ATP6V0D2: variants seen among roughly 807,000 people sequenced by gnomAD.
The protein encoded by ATP6V0D2 is ATPase H+ transporting V0 subunit d2.
ATP6V0D2 carries 40 observed loss-of-function variants against 40.0 expected under a neutral mutation model. That is an observed-to-expected ratio of 1.00 (90% CI 0.78 to 1.30). The LOEUF is 1.30. Among genes scored for constraint, ATP6V0D2 ranks in the 50% most tolerant of loss-of-function variants. ATP6V0D2 has a pLI of 0.00. For synonymous variants in ATP6V0D2, 179 were observed against 156.3 expected (o/e 1.15, Z -1.08); for missense variants, 470 against 423.1 (o/e 1.11, Z -0.97).
Position 86,145,233 on chromosome 8 carries a change from AAGAGAGAGAGAGAGAGAGAGAGAG to A in ATP6V0D2, c.639+2281_639+2304del, listed in dbSNP as rs1181332154. Among the ~76,000 whole-genome samples the A allele has an allele frequency of 5.2e-5, 2 of 38,442 alleles. 1 individual carries two copies. Among genetic ancestry groups the A allele is most frequent in the African/African-American group, 2.9e-4 (2 of 6,822 alleles). The allele number at this position is 38,442 out of a possible 152,430, so 25.2% of individuals were successfully genotyped here. On this transcript the variant is annotated intron_variant, in intron 5 of 7. Coordinates refer to ENST00000285393, the MANE Select transcript of ATP6V0D2 (RefSeq NM_152565.1). Reference sequence around the variant, plus strand: ...AAAGAAAGAAAGAAAGAAAGAAAGAAAGAGAGAGAGAGAGAGAGAGAGAGAAAGAAAGAAAGAAAGAAAGAAAGA... The same window carrying A: ...AAAGAAAGAAAGAAAGAAAGAAAGAAAAAGAAAGAAAGAAAGAAAGAAAGA...
chr8:86,150,705 A>G (rs1287960594), intron 6 of ATP6V0D2, among the ~76,000 whole-genome samples: 1 of 152,178 alleles, frequency 6.6e-6, no homozygotes, highest in Admixed American at 6.5e-5. Context: ...GACGGCAAGG[A>G]ACAATATGGA....
intron 5 of ATP6V0D2, among the ~76,000 whole-genome samples, chr8:86,143,605 C>T (rs76032229): frequency 0.015 from 2,300 of 152,324 alleles, 74 homozygotes; most frequent in African/African-American, 0.052. Context: ...ACCATGGTCA[C>T]TCTCAGTGCC....
At chr8:86,145,546 T>G (rs1049783680) in intron 5 of ATP6V0D2, among the ~76,000 whole-genome samples, 3 of 152,128 alleles carry the variant, frequency 2.0e-5, no homozygotes, top group African/African-American at 4.8e-5. Flanking sequence ...ATACAGAAAG[T>G]GGATATCGAA....
chr8:86,138,231 G>T (rs979249645), intron 2 of ATP6V0D2, among the ~76,000 whole-genome samples: 1 of 152,076 alleles, frequency 6.6e-6, no homozygotes, highest in African/African-American at 2.4e-5. Flanking sequence ...GCCCCTTTTG[G>T]CTGGCCAGCT....
intron 1 of ATP6V0D2, among the ~76,000 whole-genome samples, chr8:86,105,984 G>A (rs1818466410): frequency 6.6e-6 from 1 of 152,022 alleles, no homozygotes; most frequent in South Asian, 2.1e-4. Context: ...AAGCCTAAGA[G>A]TGTATTTTGC....
chr8:86,099,190 A>C (rs146073618), intron 1 of ATP6V0D2, 82 bp downstream of exon 1: 12 of 1,422,670 alleles, frequency 8.4e-6, no homozygotes, highest in African/African-American at 1.5e-5. Context: ...GGAGAAAAAA[A>C]GCCCATAATC....
chr8:86,144,619 G>A (rs1415210130), intron 5 of ATP6V0D2, among the ~76,000 whole-genome samples: 1 of 151,798 alleles, frequency 6.6e-6, no homozygotes, highest in African/African-American at 2.4e-5. Flanking sequence ...AAACAAAAAA[G>A]TTTTATAGTT....
At chr8:86,136,176 C>T (rs1818893842) in intron 2 of ATP6V0D2, among the ~76,000 whole-genome samples, 1 of 152,056 alleles carries the variant, frequency 6.6e-6, no homozygotes, top group Non-Finnish European at 1.5e-5. Flanking sequence ...AAAATTGAAC[C>T]CCATCTATAA....
rs372425528 is a variant in ATP6V0D2 at position 86,139,421 on chromosome 8, G to T, written c.303-36G>T. ...GTGGGATGCTTCTTATCCTTTTGCAGCTGTCCTCTAATGATTGAGTTGTCT... is the reference window on the plus strand; with the variant it reads ...GTGGGATGCTTCTTATCCTTTTGCATCTGTCCTCTAATGATTGAGTTGTCT... On this transcript the variant is annotated intron_variant, in intron 2 of 7. Transcript: ENST00000285393. 118 of 1,552,922 alleles carry T rather than the reference G, an allele frequency of 7.6e-5. No homozygotes were observed. The African/African-American group carries it at 1.3e-3, about 17-fold the overall frequency.
intron 1 of ATP6V0D2, among the ~76,000 whole-genome samples, chr8:86,105,124 A>AT (rs34390117): frequency 0.67 from 102,366 of 151,898 alleles, 35,453 homozygotes; most frequent in African/African-American, 0.83. Flanking sequence ...CTTCAACTTT[A>AT]GCTCCACGGT....
chr8:86,135,923 G>A (rs1392867100), intron 2 of ATP6V0D2, among the ~76,000 whole-genome samples: 3 of 152,140 alleles, frequency 2.0e-5, no homozygotes, highest in Non-Finnish European at 4.4e-5. Flanking sequence ...GATCTACAAA[G>A]ATTATAGTCT....
At chr8:86,099,579 C>T (rs543734433) in intron 1 of ATP6V0D2, among the ~76,000 whole-genome samples, 2 of 152,262 alleles carry the variant, frequency 1.3e-5, no homozygotes, top group Admixed American at 6.5e-5. Context: ...CCACAACCTC[C>T]GCCTCCCGGG....
chr8:86,128,531 G>C (rs1478160772), intron 2 of ATP6V0D2, among the ~76,000 whole-genome samples: 1 of 152,132 alleles, frequency 6.6e-6, no homozygotes, highest in Non-Finnish European at 1.5e-5. Context: ...TAGCAAAGGG[G>C]CTCAGGTCTC....
At chr8:86,129,502 CCT>C (rs1443045661) in intron 2 of ATP6V0D2, among the ~76,000 whole-genome samples, 1 of 151,728 alleles carries the variant, frequency 6.6e-6, no homozygotes, top group African/African-American at 2.4e-5. Flanking sequence ...ACAGGGAGAC[CCT>C]GTCTCTATAA....
Position 86,153,164 on chromosome 8 carries a change from G to A in ATP6V0D2, c.*187G>A. On this transcript the variant is annotated 3_prime_UTR_variant, in exon 8 of 8. Transcript: ENST00000285393. ...ACAAAGCATTTCCTTGTTTTCAGTG[G>A]TATTAGATCTTGTTTCCACATGTCT... 2.3e-6 allele frequency: 1 copy of A among 430,372 alleles called. No homozygotes were observed. Among genetic ancestry groups the A allele is most frequent in the Non-Finnish European group, 4.0e-6 (1 of 253,000 alleles). The allele number at this position is 430,372 out of a possible 1,614,324, so 26.7% of individuals were successfully genotyped here.
chr8:86,099,082 A>G lies in ATP6V0D2; in HGVS notation c.104A>G (p.Asn35Ser), dbSNP rs562170008. The change falls in exon 1 of 8, where the codon AAC becomes AGC. Residue 35 changes from asparagine (N) to serine (S), a missense_variant. Transcript: ENST00000285393. ...CTCCTGACCCAGCAAGACTATATCA[A>G]CCTGGTCCAGTGTGAGACCCTAGAA... ...ASLLTQQDYI[N>S]LVQCETLEDL... 3 of 1,613,038 alleles carry G rather than the reference A, an allele frequency of 1.9e-6. No homozygotes were observed. Among genetic ancestry groups the G allele is most frequent in the Admixed American group, 3.3e-5 (2 of 59,890 alleles).
chr8:86,132,415 A>G (rs1364215421), intron 2 of ATP6V0D2, among the ~76,000 whole-genome samples: 1 of 152,116 alleles, frequency 6.6e-6, no homozygotes, highest in Non-Finnish European at 1.5e-5. Flanking sequence ...TAACTATAGA[A>G]CTTATACCTT....
intron 5 of ATP6V0D2, among the ~76,000 whole-genome samples, chr8:86,149,074 A>C (rs1819109179): frequency 6.7e-6 from 1 of 150,138 alleles, no homozygotes; most frequent in South Asian, 2.1e-4. Flanking sequence ...AAAAAAAAAA[A>C]ACCAATGAAC....
rs548318843 is a variant in ATP6V0D2, at chr8:86,153,866, T to C, written c.*889T>C. 1.8e-4 allele frequency: 27 copies of C among 152,428 alleles called. No homozygotes were observed. The highest frequency in any genetic ancestry group is 5.3e-4 in the African/African-American group (22 of 41,550). 9.4% of individuals were successfully genotyped at this position (152,428 alleles called of 1,614,324 possible). A position where few individuals can be genotyped will look rare whatever the true frequency, so the allele number is the denominator to read the frequency against. ...CTCACTGCAACCTCCACCTCCCAGA[T>C]TCAAGCAACTCTCTGCCTCAGCCTC... is the stretch of plus-strand genomic sequence containing the variant. On this transcript the variant is annotated 3_prime_UTR_variant, in exon 8 of 8. Coordinates refer to ENST00000285393, the MANE Select transcript of ATP6V0D2 (RefSeq NM_152565.1).
Sources: gnomAD v4.1 joint callset for allele counts (sites outside exome capture counted in the v4.1 genomes callset) on GRCh38, gnomAD v4.1.1 for gene constraint, MANE v1.5 for transcripts, NCBI Gene and HGNC (gene_info 2026-07-23, HGNC 2026-07-21) for gene names.